Variants in SEM1 observed in about 807,000 individuals in gnomAD.
SEM1 encodes SEM1 26S proteasome subunit.
In SEM1, 3 loss-of-function variants were observed where a neutral mutation model predicts 12.7. The ratio of observed to expected loss-of-function variants is 0.24; its 90% confidence interval spans 0.11 to 0.61. The LOEUF (loss-of-function observed/expected upper bound fraction) is 0.61. Among genes scored for constraint, SEM1 ranks in the 20% least tolerant of loss-of-function variants. The probability of loss-of-function intolerance (pLI) is 0.88; values close to 1 mark genes in which losing one functional copy is unlikely to be tolerated. For missense variants in SEM1, 59 were observed against 81.3 expected (o/e 0.73, Z 1.06); for synonymous variants, 30 against 27.8 (o/e 1.08, Z -0.25).
At chr7:96,550,660 G>A (rs184094263) in intron 2 of SEM1, among the ~76,000 whole-genome samples, 1 of 152,298 alleles carries the variant, frequency 6.6e-6, no homozygotes, top group Non-Finnish European at 1.5e-5. Flanking sequence ...ATAAATTAGA[G>A]TAGCTCCAGA....
At chr7:96,620,311 C>T (rs1042516732), downstream of SEM1, among the ~76,000 whole-genome samples, 64 of 152,160 alleles carry the variant, frequency 4.2e-4, no homozygotes, top group African/African-American at 1.4e-3. Context: ...GGGACCCTCC[C>T]AGGGGGTGCA....
chr7:96,641,829 A>G (rs149308634), intron 2 of SEM1, among the ~76,000 whole-genome samples: 3 of 151,860 alleles, frequency 2.0e-5, no homozygotes, highest in African/African-American at 7.2e-5. Flanking sequence ...CTTTTTTTTA[A>G]TGTTTATTAA....
chr7:96,549,486 T>G (rs191528006), intron 2 of SEM1, among the ~76,000 whole-genome samples: 29 of 152,338 alleles, frequency 1.9e-4, no homozygotes, highest in African/African-American at 6.5e-4. Flanking sequence ...ATCCCACTAA[T>G]TTCATAAAAG....
intron 2 of SEM1, among the ~76,000 whole-genome samples, chr7:96,681,304 G>A (rs372041872): frequency 5.0e-4 from 76 of 152,144 alleles, no homozygotes; most frequent in African/African-American, 1.6e-3. Flanking sequence ...TCAACAATGC[G>A]GTGTTTTTTC....
chr7:96,603,854 A>C (rs575405503), intron 2 of SEM1, among the ~76,000 whole-genome samples: 9 of 148,934 alleles, frequency 6.0e-5, no homozygotes, highest in African/African-American at 2.2e-4. Flanking sequence ...TACCTTTCCC[A>C]CATTTAATGA....
At chr7:96,603,211 C>T (rs1807244027) in intron 2 of SEM1, among the ~76,000 whole-genome samples, 1 of 152,136 alleles carries the variant, frequency 6.6e-6, no homozygotes, top group South Asian at 2.1e-4. Context: ...TTCAAATATA[C>T]CCTCCTGCTC....
intron 2 of SEM1, chr7:96,645,503 G>A (rs1195015140): frequency 2.4e-5 from 8 of 337,998 alleles, no homozygotes; most frequent in Non-Finnish European, 4.3e-5. Flanking sequence ...GGGTGTTGGG[G>A]GCAGGATGGG....
chr7:96,596,650 G>A (rs1433532530), intron 2 of SEM1, among the ~76,000 whole-genome samples: 1 of 152,156 alleles, frequency 6.6e-6, no homozygotes, highest in Non-Finnish European at 1.5e-5. Context: ...GGAGAGTGTG[G>A]AGGTTGCCAG....
At chr7:96,631,173 C>T (rs1446893672) in intron 2 of SEM1, among the ~76,000 whole-genome samples, 1 of 152,158 alleles carries the variant, frequency 6.6e-6, no homozygotes, top group Non-Finnish European at 1.5e-5. Flanking sequence ...CCCCGCTTAG[C>T]CCACTATCAC....
At chr7:96,631,348 C>T (rs1808252802) in intron 2 of SEM1, among the ~76,000 whole-genome samples, 1 of 152,140 alleles carries the variant, frequency 6.6e-6, no homozygotes, top group South Asian at 2.1e-4. Flanking sequence ...ATGCTCCCTC[C>T]ATGGGTGAGC....
chr7:96,560,937 G>A (rs1332479203), intron 2 of SEM1, among the ~76,000 whole-genome samples: 5 of 151,954 alleles, frequency 3.3e-5, no homozygotes, highest in Admixed American at 6.6e-5. Flanking sequence ...AAGCCAGTAC[G>A]TGCTGTTTAA....
intron 1 of SEM1, among the ~76,000 whole-genome samples, chr7:96,489,354 A>G (rs146995726): frequency 1.3e-4 from 20 of 152,156 alleles, no homozygotes; most frequent in Non-Finnish European, 2.6e-4. Flanking sequence ...GCTGGGCCCT[A>G]CCCCTAGAAT....
In SEM1 at chr7:96,511,779, T is replaced by G. The variant is rs116246705; in HGVS notation, c.171-5081A>C. 7.8e-3 allele frequency among the ~76,000 whole-genome samples: 1,181 copies of G among 152,136 alleles called. 18 individuals are homozygous for G. Among genetic ancestry groups the G allele is most frequent in the African/African-American group, 0.027 (1,127 of 41,508 alleles). On this transcript the variant is annotated intron_variant and NMD_transcript_variant, in intron 2 of 3. Transcript: ENST00000466986. The stretch of plus-strand genomic sequence containing the variant: ...CATTACTTTTTTTTAATAAATAGTA[T>G]TTTTTTGATTGCCTCTCACTGGGTT...
chr7:96,509,474 T>G (rs1646891008), intron 2 of SEM1, among the ~76,000 whole-genome samples: 1 of 152,172 alleles, frequency 6.6e-6, no homozygotes, highest in Admixed American at 6.6e-5. Flanking sequence ...AGCATCAATG[T>G]GGATTTTGAC....
At chr7:96,573,174 T>C (rs1217970462) in intron 2 of SEM1, among the ~76,000 whole-genome samples, 1 of 151,484 alleles carries the variant, frequency 6.6e-6, no homozygotes, top group African/African-American at 2.4e-5. Context: ...TTTGAGCCTA[T>C]ATGTGCCTTT....
At chr7:96,622,686 A>G in intron 2 of SEM1, 1 of 756,358 alleles carries the variant, frequency 1.3e-6, no homozygotes, top group Non-Finnish European at 2.4e-6. Context: ...TTTTTCAAAC[A>G]CCTATTAGCC....
At chr7:96,694,666 C>A in intron 2 of SEM1, 132 bp downstream of exon 2, 1 of 499,602 alleles carries the variant, frequency 2.0e-6, no homozygotes, top group East Asian at 3.1e-5. Flanking sequence ...GACAATATGT[C>A]TTACTTTACA....
chr7:96,592,178 G>A (rs542648202), intron 2 of SEM1, among the ~76,000 whole-genome samples: 1 of 151,740 alleles, frequency 6.6e-6, no homozygotes, highest in Non-Finnish European at 1.5e-5. Flanking sequence ...TACCTAAGAC[G>A]CCAGTCAATG....
intron 2 of SEM1, among the ~76,000 whole-genome samples, chr7:96,612,890 C>T (rs922360215): frequency 2.0e-5 from 3 of 152,202 alleles, no homozygotes; most frequent in African/African-American, 7.2e-5. Flanking sequence ...CTGCCTCGGC[C>T]TCCCAAAGTG....
Sources: allele counts gnomAD v4.1 joint callset (sites outside exome capture counted in the v4.1 genomes callset), GRCh38; gene constraint gnomAD v4.1.1; transcripts MANE v1.5; gene names NCBI Gene and HGNC (gene_info 2026-07-23, HGNC 2026-07-21).